Variants in GSTA4 observed in about 807,000 individuals in gnomAD.
GSTA4 encodes the protein glutathione S-transferase alpha 4.
In GSTA4, 15 loss-of-function variants were observed where a neutral mutation model predicts 24.4. The observed-to-expected ratio is 0.61, with a 90% CI of 0.41 to 0.95. The LOEUF (loss-of-function observed/expected upper bound fraction) is 0.95. Among genes scored for constraint, GSTA4 ranks in the 40% least tolerant of loss-of-function variants. The pLI is 0.00. For synonymous variants in GSTA4, 92 were observed against 94.2 expected (o/e 0.98, Z 0.13); for missense variants, 244 against 262.1 (o/e 0.93, Z 0.48).
rs769989080 is a variant in GSTA4 at position 52,982,646 on chromosome 6, C to G, written c.474G>C (p.Val158=). The change falls in exon 6 of 7, where the codon GTG becomes GTC. Residue 158 remains valine, a synonymous_variant. Transcript: ENST00000370963. ...LVGNQLSLAD[V]ILLQTILALE... is the part of the protein sequence containing the mutation. ...GAGCTAAAATGGTTTGGAGTAAAAT[C>G]ACATCTGCAAGGCTCAGCTGATTAC... 1.9e-6 allele frequency: 3 copies of G among 1,610,366 alleles called. No homozygotes were observed. Among genetic ancestry groups the G allele is most frequent in the Non-Finnish European group, 2.5e-6 (3 of 1,176,756 alleles).
intron 2 of GSTA4, among the ~76,000 whole-genome samples, chr6:52,991,331 C>T (rs564320664): frequency 6.6e-6 from 1 of 152,118 alleles, no homozygotes; most frequent in African/African-American, 2.4e-5. Flanking sequence ...AGTAAAACCA[C>T]AAGTTGAAAA....
intron 3 of GSTA4, among the ~76,000 whole-genome samples, chr6:52,986,641 AG>A (rs1212688760): frequency 6.6e-6 from 1 of 152,206 alleles, no homozygotes; most frequent in African/African-American, 2.4e-5. Flanking sequence ...CATTCGGAGC[AG>A]GTGAGGGGAG....
At chr6:52,992,007 G>A (rs1002229578) in intron 2 of GSTA4, among the ~76,000 whole-genome samples, 6 of 151,932 alleles carry the variant, frequency 3.9e-5, no homozygotes, top group Non-Finnish European at 8.8e-5. Flanking sequence ...TGCCCACCTC[G>A]GCCTCCCAAA....
chr6:52,984,382 G>T, intron 5 of GSTA4, 82 bp downstream of exon 5: 4 of 1,314,912 alleles, frequency 3.0e-6, no homozygotes, highest in Non-Finnish European at 4.2e-6. Flanking sequence ...TAAAATCCTT[G>T]GACAGAAAAG....
intron 6 of GSTA4, 54 bp from the exon 7 acceptor site, chr6:52,978,646 C>T (rs545558096): frequency 2.7e-5 from 38 of 1,398,432 alleles, no homozygotes; most frequent in African/African-American, 1.2e-4. Flanking sequence ...TTAGATACTA[C>T]GAAGATATGG....
At position 52,994,474 on chromosome 6, in the gene GSTA4, A is replaced by AT. The variant is rs1316644533; in HGVS notation, c.-18-214_-18-213insA. ...GGCTTTTATATGATTTCTATTTATG[A>AT]CTTCTTATCCTGGATCTTGGGAAGC... On this transcript the variant is annotated intron_variant, in intron 1 of 6. Coordinates refer to ENST00000370963, the MANE Select transcript of GSTA4 (RefSeq NM_001512.4). 31 of 499,242 alleles carry AT rather than the reference A, an allele frequency of 6.2e-5. No individual in the cohort carries two copies. The South Asian group carries it at 8.2e-4, about 13-fold the overall frequency. 30.9% of individuals were successfully genotyped at this position (499,242 alleles called of 1,614,324 possible).
At position 52,985,584 on chromosome 6, in the gene GSTA4, C is replaced by T; in HGVS notation, c.140-1G>A. On this transcript the variant is annotated splice_acceptor_variant, in intron 3 of 6. Coordinates refer to ENST00000370963, the MANE Select transcript of GSTA4 (RefSeq NM_001512.4). LOFTEE classifies it high-confidence loss of function. ...ACTTGTTGGAACAGCAGGTGGTTAC[C>T]TGAGAATGGAAGCCCAGAGTTAGAA... 6.2e-7 allele frequency: 1 copy of T among 1,613,988 alleles called. No homozygotes were observed. Among genetic ancestry groups the T allele is most frequent in the Non-Finnish European group, 8.5e-7 (1 of 1,179,876 alleles).
intron 3 of GSTA4, 66 bp from the exon 4 acceptor site, chr6:52,985,649 C>A (rs1164514033): frequency 5.9e-6 from 9 of 1,527,158 alleles, no homozygotes; most frequent in Non-Finnish European, 8.1e-6. Flanking sequence ...CTAAAAAATG[C>A]TCTGTGGAAT....
chr6:52,980,723 A>C (rs1763436185), intron 6 of GSTA4, among the ~76,000 whole-genome samples: 1 of 152,192 alleles, frequency 6.6e-6, no homozygotes, highest in African/African-American at 2.4e-5. Context: ...CACACAGTCT[A>C]GTGGAAAGAG....
At position 52,986,735 on chromosome 6, in the gene GSTA4, C is replaced by T. The variant is rs145006843; in HGVS notation, c.139+622G>A. 4.6e-5 allele frequency among the ~76,000 whole-genome samples: 7 copies of T among 152,254 alleles called. No homozygotes were observed. In the East Asian group the frequency reaches 9.7e-4, roughly 21 times the overall value. On this transcript the variant is annotated intron_variant, in intron 3 of 6. Coordinates refer to ENST00000370963, the MANE Select transcript of GSTA4 (RefSeq NM_001512.4). The stretch of plus-strand genomic sequence containing the variant: ...AGGTGGCCTTACAGCCCTGGAGAGC[C>T]GGTACCACACAGGGGAGCCTCCAGC...
chr6:52,987,719 T>C (rs1369997055), intron 2 of GSTA4: 1 of 241,244 alleles, frequency 4.1e-6, no homozygotes, highest in African/African-American at 2.3e-5. Flanking sequence ...TAAAATCTAG[T>C]GTTCGATAGT....
intron 3 of GSTA4, 49 bp from the exon 4 acceptor site, chr6:52,985,632 C>A: frequency 6.3e-7 from 1 of 1,593,650 alleles, no homozygotes; most frequent in Non-Finnish European, 8.6e-7. Flanking sequence ...TCTCTGTCCC[C>A]CAACCCCTAA....
In GSTA4 at chr6:52,980,805, G is replaced by A. The variant is rs75678438; in HGVS notation, c.546+1769C>T. Reference sequence around the variant, plus strand: ...CCACAGTCTTGCAACTATGCAGAATGTAATGTTTCCAAGCTGGTAATTTTC... The same window carrying A: ...CCACAGTCTTGCAACTATGCAGAATATAATGTTTCCAAGCTGGTAATTTTC... On this transcript the variant is annotated intron_variant, in intron 6 of 6. Transcript: ENST00000370963. Among the ~76,000 whole-genome samples the A allele has an allele frequency of 2.5e-3, 376 of 152,280 alleles. 1 individual carries two copies. Among genetic ancestry groups the A allele is most frequent in the African/African-American group, 8.8e-3 (366 of 41,562 alleles).
chr6:52,981,003 T>C (rs954058493), intron 6 of GSTA4, among the ~76,000 whole-genome samples: 2 of 152,154 alleles, frequency 1.3e-5, no homozygotes, highest in African/African-American at 4.8e-5. Flanking sequence ...CAAGTAACTT[T>C]TTTAACAGTG....
chr6:52,990,934 C>T (rs77989614), intron 2 of GSTA4, among the ~76,000 whole-genome samples: 3,194 of 152,304 alleles, frequency 0.021, 51 homozygotes, highest in Middle Eastern at 0.054. Flanking sequence ...CTCAGGATCA[C>T]CACATCTTCC....
intron 1 of GSTA4, 199 bp from the exon 2 acceptor site, chr6:52,994,460 GA>G: frequency 1.9e-6 from 1 of 529,680 alleles, no homozygotes; most frequent in South Asian, 2.6e-5. Context: ...GCTTTTATAT[GA>G]TTTCTATTTA....
chr6:52,991,010 T>C (rs1484322147), intron 2 of GSTA4, among the ~76,000 whole-genome samples: 1 of 152,138 alleles, frequency 6.6e-6, no homozygotes, highest in Non-Finnish European at 1.5e-5. Context: ...ATTTAGAAAA[T>C]TGTAAAACAC....
intron 2 of GSTA4, among the ~76,000 whole-genome samples, chr6:52,988,563 A>G (rs972905955): frequency 6.6e-6 from 1 of 152,194 alleles, no homozygotes; most frequent in African/African-American, 2.4e-5. Flanking sequence ...AAAATCAGGT[A>G]TATTCAGGAT....
At chr6:52,984,670 A>G in intron 4 of GSTA4, 65 bp from the exon 5 acceptor site, 1 of 1,375,710 alleles carries the variant, frequency 7.3e-7, no homozygotes, top group South Asian at 1.3e-5. Flanking sequence ...TCCACAACTA[A>G]GAATTCAGAG....
Sources: allele counts gnomAD v4.1 joint callset (sites outside exome capture counted in the v4.1 genomes callset), GRCh38; gene constraint gnomAD v4.1.1; transcripts MANE v1.5; gene names NCBI Gene and HGNC (gene_info 2026-07-23, HGNC 2026-07-21).